The following RHEB variants were observed in gnomAD, a reference collection of about 807,000 sequenced individuals.
RHEB encodes Ras homolog, mTORC1 binding.
Under a neutral mutation model 28.8 loss-of-function variants are expected in RHEB, and 2 were observed. That is an observed-to-expected ratio of 0.07 (90% CI 0.03 to 0.22). RHEB has a LOEUF of 0.22. Among genes scored for constraint, RHEB ranks in the 10% least tolerant of loss-of-function variants. The pLI is 1.00. For missense variants in RHEB, 76 were observed against 219.9 expected (o/e 0.35, Z 4.14); for synonymous variants, 69 against 77.3 (o/e 0.89, Z 0.56).
intron 7 of RHEB, 162 bp downstream of exon 7, chr7:151,470,409 G>A: frequency 1.9e-6 from 1 of 527,068 alleles, no homozygotes. Context: ...AAACACCTAA[G>A]TAGTATCTTC....
chr7:151,511,631 ATAGTAT>A (rs1802990500), intron 1 of RHEB, among the ~76,000 whole-genome samples: 2 of 152,012 alleles, frequency 1.3e-5, no homozygotes, highest in African/African-American at 4.8e-5. Context: ...AAATACTAAA[ATAGTAT>A]TCCAGAACCT....
intron 2 of RHEB, among the ~76,000 whole-genome samples, chr7:151,490,071 C>T (rs1007645824): frequency 6.6e-6 from 1 of 152,132 alleles, no homozygotes; most frequent in African/African-American, 2.4e-5. Context: ...AGTTCCAGGG[C>T]CCACCTGGGG....
intron 1 of RHEB, chr7:151,502,816 A>G (rs1388368019): frequency 3.1e-6 from 4 of 1,275,302 alleles, no homozygotes; most frequent in Non-Finnish European, 4.6e-6. Flanking sequence ...CTGGGGACAA[A>G]GTGAATGTGG....
At chr7:151,498,457 T>C (rs1207895360) in intron 1 of RHEB, among the ~76,000 whole-genome samples, 1 of 151,458 alleles carries the variant, frequency 6.6e-6, no homozygotes, top group African/African-American at 2.4e-5. Flanking sequence ...CCAGTCTCTA[T>C]AAAAAAAATA....
chr7:151,473,581 C>A (rs11974292), intron 4 of RHEB, among the ~76,000 whole-genome samples: 7 of 152,098 alleles, frequency 4.6e-5, no homozygotes, highest in Admixed American at 6.5e-5. Context: ...GTTTTACTGA[C>A]GTATTTCTTG....
intron 1 of RHEB, among the ~76,000 whole-genome samples, chr7:151,506,188 C>CTT (rs574892432): frequency 2.1e-5 from 3 of 139,880 alleles, no homozygotes; most frequent in Admixed American, 7.2e-5. Context: ...AATGCATTTA[C>CTT]TTTTTTTTTT....
chr7:151,498,174 G>C (rs1584861221), intron 1 of RHEB: 1 of 1,289,514 alleles, frequency 7.8e-7, no homozygotes, highest in East Asian at 5.6e-5. Flanking sequence ...GTCCTGGCTT[G>C]AGGAACCTTC....
intron 1 of RHEB, among the ~76,000 whole-genome samples, chr7:151,515,728 G>T (rs1258095911): frequency 6.6e-6 from 1 of 152,158 alleles, no homozygotes; most frequent in Non-Finnish European, 1.5e-5. Flanking sequence ...AATCTGCTGG[G>T]AACAACCAAA....
intron 7 of RHEB, 83 bp from the exon 8 acceptor site, chr7:151,467,294 G>GCCTGC (rs1323595311): frequency 6.1e-6 from 6 of 975,896 alleles, no homozygotes; most frequent in Non-Finnish European, 9.7e-6. Flanking sequence ...AGGGCGTGCC[G>GCCTGC]CCTGCCCTGC....
chr7:151,516,526 G>C (rs1803081102), intron 1 of RHEB, among the ~76,000 whole-genome samples: 1 of 150,898 alleles, frequency 6.6e-6, no homozygotes, highest in Non-Finnish European at 1.5e-5. Flanking sequence ...GGGAGGCTGA[G>C]GCAGGAGAAT....
intron 1 of RHEB, among the ~76,000 whole-genome samples, chr7:151,511,664 C>CTTT (rs201464253): frequency 0.012 from 1,782 of 142,842 alleles, 31 homozygotes; most frequent in African/African-American, 0.043. Flanking sequence ...TGTTAGATTT[C>CTTT]TTTTTTTTTT....
chr7:151,513,285 T>C (rs1283593842), intron 1 of RHEB, among the ~76,000 whole-genome samples: 1 of 152,206 alleles, frequency 6.6e-6, no homozygotes, highest in Non-Finnish European at 1.5e-5. Flanking sequence ...CAAACTATCA[T>C]TATTGCAAAT....
At chr7:151,487,126 A>G (rs1391412041) in intron 2 of RHEB, among the ~76,000 whole-genome samples, 3 of 152,232 alleles carry the variant, frequency 2.0e-5, no homozygotes, top group Non-Finnish European at 4.4e-5. Context: ...CAACACAGGG[A>G]GACCCAATCT....
At chr7:151,475,851 A>C (rs1802262359) in intron 4 of RHEB, among the ~76,000 whole-genome samples, 1 of 152,244 alleles carries the variant, frequency 6.6e-6, no homozygotes, top group East Asian at 1.9e-4. Context: ...AAAATATAAA[A>C]ACATGGAAAA....
At chr7:151,519,276 A>C (rs1413989072) in intron 1 of RHEB, 184 bp downstream of exon 1, 2 of 296,758 alleles carry the variant, frequency 6.7e-6, no homozygotes, top group Non-Finnish European at 5.7e-6. Flanking sequence ...CGGCTCCTCC[A>C]CCGGCGCGGA....
At chr7:151,480,529 G>C (rs79922444) in intron 3 of RHEB, among the ~76,000 whole-genome samples, 4,843 of 151,968 alleles carry the variant, frequency 0.032, 226 homozygotes, top group African/African-American at 0.11. Context: ...GGGTAGGAAC[G>C]TCTTAAGTTT....
At chr7:151,518,378 G>T (rs1318369558) in intron 1 of RHEB, among the ~76,000 whole-genome samples, 1 of 152,078 alleles carries the variant, frequency 6.6e-6, no homozygotes, top group Non-Finnish European at 1.5e-5. Flanking sequence ...TAGTCACCCC[G>T]TTCCGCAATC....
chr7:151,513,355 A>G (rs1803024223), intron 1 of RHEB, among the ~76,000 whole-genome samples: 1 of 152,240 alleles, frequency 6.6e-6, no homozygotes, highest in South Asian at 2.1e-4. Flanking sequence ...AATTCAAGTA[A>G]AAACTGGTAG....
At chr7:151,519,275 C>A in intron 1 of RHEB, 185 bp downstream of exon 1, 4 of 298,200 alleles carry the variant, frequency 1.3e-5, no homozygotes, top group Non-Finnish European at 2.3e-5. Context: ...GCGGCTCCTC[C>A]ACCGGCGCGG....
Sources: gnomAD v4.1 joint callset for allele counts (sites outside exome capture counted in the v4.1 genomes callset) on GRCh38, gnomAD v4.1.1 for gene constraint, MANE v1.5 for transcripts, NCBI Gene and HGNC (gene_info 2026-07-23, HGNC 2026-07-21) for gene names.